Variants in DOCK3 observed in about 807,000 individuals in gnomAD.
The protein encoded by DOCK3 is dedicator of cytokinesis protein 3.
In DOCK3, 60 loss-of-function variants were observed where a neutral mutation model predicts 265.6. The observed-to-expected ratio is 0.23, with a 90% confidence interval of 0.18 to 0.28. The LOEUF is 0.28. Among genes scored for constraint, DOCK3 ranks in the 10% least tolerant of loss-of-function variants. The pLI is 1.00. For missense variants in DOCK3, 1,981 were observed against 2,594.3 expected (o/e 0.76, Z 5.14); for synonymous variants, 881 against 938.0 (o/e 0.94, Z 1.11).
At chr3:51,181,784 A>T (rs2107736952) in intron 12 of DOCK3, among the ~76,000 whole-genome samples, 1 of 152,186 alleles carries the variant, frequency 6.6e-6, no homozygotes, top group South Asian at 2.1e-4. Flanking sequence ...TTCTAACAGG[A>T]GCAGTGAGTA....
At chr3:51,293,043 AT>A (rs2081875885) in intron 27 of DOCK3, among the ~76,000 whole-genome samples, 1 of 152,248 alleles carries the variant, frequency 6.6e-6, no homozygotes, top group African/African-American at 2.4e-5. Context: ...TAAGATGTTT[AT>A]AATCCCTAAA....
At chr3:50,913,721 A>G (rs368283787) in intron 4 of DOCK3, among the ~76,000 whole-genome samples, 4 of 152,076 alleles carry the variant, frequency 2.6e-5, no homozygotes, top group African/African-American at 7.3e-5. Context: ...TTTTTGTGCT[A>G]TAACAGAATA....
chr3:51,122,208 A>G (rs2084052727), intron 9 of DOCK3, among the ~76,000 whole-genome samples: 1 of 152,224 alleles, frequency 6.6e-6, no homozygotes, highest in Non-Finnish European at 1.5e-5. Flanking sequence ...GCACTGGTGC[A>G]GTGGCTCATG....
At chr3:50,976,681 C>T (rs2108513293) in intron 5 of DOCK3, among the ~76,000 whole-genome samples, 1 of 152,012 alleles carries the variant, frequency 6.6e-6, no homozygotes, top group East Asian at 1.9e-4. Context: ...GAGCTGAGTT[C>T]AATTGCTGGG....
At chr3:51,325,732 A>G (rs546123618) in intron 32 of DOCK3, among the ~76,000 whole-genome samples, 2 of 152,378 alleles carry the variant, frequency 1.3e-5, no homozygotes, top group East Asian at 3.8e-4. Flanking sequence ...CTATGCAGCC[A>G]TAAAAAAAGA....
At chr3:50,786,423 T>G (rs1460244884) in intron 2 of DOCK3, among the ~76,000 whole-genome samples, 1 of 152,194 alleles carries the variant, frequency 6.6e-6, no homozygotes, top group East Asian at 1.9e-4. Flanking sequence ...TTAGATCTGT[T>G]GTTTCAGTGA....
At chr3:51,018,993 G>A (rs1319939466) in intron 5 of DOCK3, among the ~76,000 whole-genome samples, 1 of 151,794 alleles carries the variant, frequency 6.6e-6, no homozygotes, top group Non-Finnish European at 1.5e-5. Flanking sequence ...TTGGAGGGGT[G>A]TGGGGTAAGA....
chr3:50,707,392 G>GAGA, intron 1 of DOCK3, among the ~76,000 whole-genome samples: 2 of 151,076 alleles, frequency 1.3e-5, no homozygotes, highest in African/African-American at 4.9e-5. Flanking sequence ...AGCCAGGATT[G>GAGA]TGCCACTGCA....
intron 4 of DOCK3, among the ~76,000 whole-genome samples, chr3:50,918,283 G>C (rs2050237873): frequency 6.6e-6 from 1 of 152,088 alleles, no homozygotes; most frequent in Non-Finnish European, 1.5e-5. Flanking sequence ...CCAGTAATGG[G>C]ATGGCTGGGT....
At chr3:51,147,970 G>A (rs560462625) in intron 10 of DOCK3, among the ~76,000 whole-genome samples, 13 of 152,272 alleles carry the variant, frequency 8.5e-5, no homozygotes, top group South Asian at 8.3e-4. Flanking sequence ...GTGTAAAAGC[G>A]TTCCTATTTC....
intron 32 of DOCK3, among the ~76,000 whole-genome samples, chr3:51,320,534 G>C (rs2083645062): frequency 6.6e-6 from 1 of 152,126 alleles, no homozygotes; most frequent in South Asian, 2.1e-4. Context: ...CTGGCTTGGT[G>C]CATCCCACCC....
chr3:51,350,364 A>G lies in DOCK3; in HGVS notation c.4079A>G (p.Tyr1360Cys). 6.2e-7 allele frequency: 1 copy of G among 1,612,682 alleles called. No homozygotes were observed. The highest frequency in any genetic ancestry group is 8.5e-7 in the Non-Finnish European group (1 of 1,179,584). The change falls in exon 40 of 53, where the codon TAT becomes TGT. Residue 1360 changes from tyrosine (Y) to cysteine (C), a missense_variant. By Grantham distance (194) the Tyr-to-Cys change is radical. Around this residue, in one of 4 missense-constraint regions of DOCK3, gnomAD observed 1,357 missense variants for 1,866.8 expected, o/e 0.73. Coordinates refer to ENST00000266037, the MANE Select transcript of DOCK3 (RefSeq NM_004947.5). ...CCTGAGTTCTTTCGGGTCGGCTTCT[A>G]TGGCAGGAAGTTTCCTTTCTTTCTT... Reference protein sequence around the residue: ...LEPEFFRVGFYGRKFPFFLRN... With the variant: ...LEPEFFRVGFCGRKFPFFLRN...
chr3:51,216,226 A>G (rs2089779750), intron 14 of DOCK3, among the ~76,000 whole-genome samples: 1 of 152,224 alleles, frequency 6.6e-6, no homozygotes, highest in South Asian at 2.1e-4. Context: ...GCTTCAGTCA[A>G]AAATGTATTT....
chr3:50,719,698 T>C, intron 1 of DOCK3: 1 of 1,495,794 alleles, frequency 6.7e-7, no homozygotes, highest in East Asian at 2.3e-5. Context: ...ATGCCGGGAC[T>C]TGTATGCTTC....
intron 4 of DOCK3, among the ~76,000 whole-genome samples, chr3:50,925,208 G>C (rs905179642): frequency 6.6e-6 from 1 of 152,226 alleles, no homozygotes; most frequent in Non-Finnish European, 1.5e-5. Context: ...CTATATGAGT[G>C]ATGAAGCTGA....
Position 51,225,791 on chromosome 3 carries a change from G to A in DOCK3, c.1377+18G>A. 1 of 1,605,692 alleles carries A rather than the reference G, an allele frequency of 6.2e-7. No individual in the cohort carries two copies. Among genetic ancestry groups the A allele is most frequent in the Non-Finnish European group, 8.5e-7 (1 of 1,175,756 alleles). On this transcript the variant is annotated intron_variant, in intron 15 of 52. Transcript: ENST00000266037. ...TCTTGAAGGTAAGGCTTGCCAGTCA[G>A]TCATTTGGGTTGGAGGATAATCCTA... is the stretch of plus-strand genomic sequence containing the variant.
chr3:51,280,949 C>T (rs2081077497), intron 27 of DOCK3, among the ~76,000 whole-genome samples: 1 of 152,048 alleles, frequency 6.6e-6, no homozygotes, highest in South Asian at 2.1e-4. Context: ...CTATTTTTAG[C>T]TATTGTTAGT....
At chr3:50,981,232 G>T (rs1249838829) in intron 5 of DOCK3, among the ~76,000 whole-genome samples, 1 of 151,992 alleles carries the variant, frequency 6.6e-6, no homozygotes, top group Non-Finnish European at 1.5e-5. Flanking sequence ...TGTTTAATTT[G>T]CATGTATTTG....
chr3:50,845,731 G>T (rs1396814744), intron 3 of DOCK3, among the ~76,000 whole-genome samples: 2 of 152,154 alleles, frequency 1.3e-5, no homozygotes, highest in Non-Finnish European at 2.9e-5. Flanking sequence ...AAATATTGAA[G>T]ATATTTACTG....
Sources: allele counts gnomAD v4.1 joint callset (sites outside exome capture counted in the v4.1 genomes callset), GRCh38; gene constraint gnomAD v4.1.1; regional missense constraint gnomAD v4.1.1; transcripts MANE v1.5; gene names NCBI Gene and HGNC (gene_info 2026-07-23, HGNC 2026-07-21).